The following BDP1 variants were observed in gnomAD, a reference collection of about 807,000 sequenced individuals.
BDP1 encodes transcription factor TFIIIB component B'' homolog.
In BDP1, 169 loss-of-function variants were observed where a neutral mutation model predicts 266.6. The observed-to-expected ratio is 0.63, with a 90% CI of 0.56 to 0.72. The LOEUF (loss-of-function observed/expected upper bound fraction) is 0.72, where lower values mean the gene tolerates loss of function less well. Among genes scored for constraint, BDP1 ranks in the 30% least tolerant of loss-of-function variants. The pLI is 0.00. For missense variants in BDP1, 3,015 were observed against 3,053.8 expected, an observed-to-expected ratio of 0.99 and a Z score of 0.30; for synonymous variants, 1,090 against 1,022.4, an observed-to-expected ratio of 1.07 and a Z score of -1.26.
rs772816942 is a variant in BDP1, at chr5:71,510,553, CCCCAGAGGAAAATGG to C, written c.3471_3485del (p.Asn1158_Glu1162del). The C allele has an allele frequency of 6.7e-5, 108 of 1,614,084 alleles. No homozygotes were observed. In the South Asian group the frequency reaches 1.1e-3, roughly 16 times the overall value. The stretch of plus-strand genomic sequence containing the variant: ...GAAGAAACTGGAAGAAGAGAAATAT[CCCCAGAGGAAAATGG>C]CCCAGAGGAGGTCAAGCCTGTAGAT... On this transcript the variant is annotated inframe_deletion, in exon 17 of 39. Transcript: ENST00000358731.
chr5:71,479,009 A>G (rs1762767191), intron 7 of BDP1, among the ~76,000 whole-genome samples: 1 of 151,794 alleles, frequency 6.6e-6, no homozygotes, highest in Non-Finnish European at 1.5e-5. Flanking sequence ...TGTATTTCTT[A>G]TTTCTGTAAT....
intron 11 of BDP1, 138 bp downstream of exon 11, chr5:71,491,269 G>A: frequency 1.3e-6 from 1 of 765,688 alleles, no homozygotes; most frequent in Non-Finnish European, 2.0e-6. Context: ...ATATTTTGAA[G>A]CTCTGTTGTT....
downstream of BDP1, among the ~76,000 whole-genome samples, chr5:71,572,623 C>T (rs141008612): frequency 1.1e-3 from 171 of 152,274 alleles, no homozygotes; most frequent in African/African-American, 3.6e-3. Flanking sequence ...TGTGCAGTTG[C>T]TTAAAGTTTC....
downstream of BDP1, among the ~76,000 whole-genome samples, chr5:71,570,581 A>G (rs1038811743): frequency 6.6e-6 from 1 of 152,252 alleles, no homozygotes; most frequent in African/African-American, 2.4e-5. Context: ...TCAATTAGCC[A>G]TCATCACAGA....
rs748002830 is a variant in BDP1, at chr5:71,524,288, C to T, written c.5737C>T (p.Pro1913Ser). The T allele has an allele frequency of 1.2e-6, 2 of 1,604,976 alleles. No homozygotes were observed. The highest frequency in any genetic ancestry group is 1.7e-6 in the Non-Finnish European group (2 of 1,172,338). Residue 1913 changes from proline (P) to serine (S), a missense_variant, in exon 25 of 39, where the codon CCT (proline) becomes TCT (serine). Physicochemically the swap from Pro to Ser is moderately conservative, Grantham distance 74. Transcript: ENST00000358731. Reference protein sequence around the residue: ...FVPVGLRSPEPVSAQIEETME... With the variant: ...FVPVGLRSPESVSAQIEETME... ...ACCTGTTGGTCTCAGATCTCCTGAA[C>T]CTGTTTCTGCTCAGATTGAGGAAAC...
rs1049885707 is a variant in BDP1 at position 71,512,247 on chromosome 5, A to G, written c.4066A>G (p.Ser1356Gly). 1 of 1,479,070 alleles carries G rather than the reference A, an allele frequency of 6.8e-7. No individual in the cohort carries two copies. The highest frequency in any genetic ancestry group is 1.5e-5 in the South Asian group (1 of 65,204). The allele number at this position is 1,479,070 out of a possible 1,614,324, so 91.6% of individuals were successfully genotyped here. ...ACTATGACTGTTCCTCTAGAACATTAGCAGTGAAGTACTGTCGATGATGCA... is the reference window on the plus strand; with the variant it reads ...ACTATGACTGTTCCTCTAGAACATTGGCAGTGAAGTACTGTCGATGATGCA... Reference protein sequence around the residue: ...AVPSLDIQNISSEVLSMMHTP... With the variant: ...AVPSLDIQNIGSEVLSMMHTP... The change falls in exon 18 of 39, where the codon AGC (serine) becomes GGC (glycine). Residue 1356 changes from serine (S) to glycine (G), a missense_variant. By Grantham distance (56) the Ser-to-Gly change is moderately conservative. Coordinates refer to ENST00000358731, the MANE Select transcript of BDP1 (RefSeq NM_018429.3).
At chr5:71,539,380 G>C (rs3827776) in intron 27 of BDP1, among the ~76,000 whole-genome samples, 177 bp from the exon 28 acceptor site, 1 of 152,224 alleles carries the variant, frequency 6.6e-6, no homozygotes, top group East Asian at 1.9e-4. Context: ...CAACAGTGAT[G>C]ATTTATTTAT....
At chr5:71,483,941 A>G in intron 8 of BDP1, 45 bp downstream of exon 8, 1 of 1,428,584 alleles carries the variant, frequency 7.0e-7, no homozygotes, top group South Asian at 1.2e-5. Flanking sequence ...TGAAGAGCCT[A>G]AAAAATGACC....
rs1375239236 is a variant in BDP1, at chr5:71,475,014, CTT to C, written c.1014+4529_1014+4530del. Among the ~76,000 whole-genome samples the C allele has an allele frequency of 3.3e-5, 5 of 152,216 alleles. No individual in the cohort carries two copies. The South Asian group carries it at 1.0e-3, about 32-fold the overall frequency. ...TAATTACTTGCCAGCTATTGGTAGTCTTTTTCTTCTCTAGTTCATCCAGGGAA... is the reference window on the plus strand; with the variant it reads ...TAATTACTTGCCAGCTATTGGTAGTCTTTCTTCTCTAGTTCATCCAGGGAA... On this transcript the variant is annotated intron_variant, in intron 7 of 38. Transcript: ENST00000358731.
rs1742190017 is a variant in BDP1 at position 71,545,148 on chromosome 5, GA to G, written c.6677del (p.Asn2226IlefsTer8). On this transcript the variant is annotated frameshift_variant, in exon 32 of 39. Coordinates refer to ENST00000358731, the MANE Select transcript of BDP1 (RefSeq NM_018429.3). LOFTEE classifies it high-confidence loss of function. ...ACTTGGTTTGGATAGGGGTCTTGGTGAAAATTCTGTTGAAGAGCCCCAGATA... is the reference window on the plus strand; with the variant it reads ...ACTTGGTTTGGATAGGGGTCTTGGTGAAATTCTGTTGAAGAGCCCCAGATA... Reference protein sequence around the residue: ...CTLGLDRGLGENSVEEPQIKD... With the variant: ...CTLGLDRGLGXNSVEEPQIKD... 1 of 1,613,690 alleles carries G rather than the reference GA, an allele frequency of 6.2e-7. No individual in the cohort carries two copies. The highest frequency in any genetic ancestry group is 1.7e-5 in the Admixed American group (1 of 59,944).
chr5:71,535,636 A>G (rs1766550109), intron 26 of BDP1, among the ~76,000 whole-genome samples: 1 of 152,202 alleles, frequency 6.6e-6, no homozygotes, highest in African/African-American at 2.4e-5. Flanking sequence ...TCACAGCTTT[A>G]GAGTCTAGAA....
At chr5:71,478,568 T>C (rs1459284241) in intron 7 of BDP1, among the ~76,000 whole-genome samples, 7 of 152,298 alleles carry the variant, frequency 4.6e-5, no homozygotes, top group African/African-American at 1.7e-4. Context: ...TATCGTCTCC[T>C]GGCTTTCAGT....
chr5:71,516,847 A>G (rs1026755568), intron 21 of BDP1, among the ~76,000 whole-genome samples: 8 of 152,164 alleles, frequency 5.3e-5, no homozygotes, highest in Non-Finnish European at 1.0e-4. Flanking sequence ...TAAACAATGC[A>G]AAGTCTAGAT....
In BDP1 at chr5:71,503,937, T is replaced by C. The variant is rs540180900; in HGVS notation, c.2242-684T>C. 6.0e-5 allele frequency among the ~76,000 whole-genome samples: 9 copies of C among 151,024 alleles called. No individual in the cohort carries two copies. The South Asian group carries it at 1.9e-3, about 32-fold the overall frequency. On this transcript the variant is annotated intron_variant, in intron 15 of 38. Coordinates refer to ENST00000358731, the MANE Select transcript of BDP1 (RefSeq NM_018429.3). Reference sequence around the variant, plus strand: ...AGTGAGCTATCTATAATTATGCCGTTGCACTCTAGCGTGGGTGACAGAGTG... The same window carrying C: ...AGTGAGCTATCTATAATTATGCCGTCGCACTCTAGCGTGGGTGACAGAGTG...
At chr5:71,550,613 T>G (rs192621397) in intron 34 of BDP1, among the ~76,000 whole-genome samples, 1 of 152,318 alleles carries the variant, frequency 6.6e-6, no homozygotes, top group East Asian at 1.9e-4. Context: ...TTCTTGATAC[T>G]CTTATTTTAA....
intron 7 of BDP1, among the ~76,000 whole-genome samples, chr5:71,478,766 A>T (rs1260551019): frequency 6.6e-6 from 1 of 151,908 alleles, no homozygotes; most frequent in African/African-American, 2.4e-5. Flanking sequence ...GGGAAATTTT[A>T]AATTACTTTT....
intron 11 of BDP1, among the ~76,000 whole-genome samples, chr5:71,491,659 A>T (rs993406139): frequency 8.5e-5 from 13 of 152,186 alleles, no homozygotes; most frequent in Admixed American, 7.2e-4. Context: ...ATTGAACAGC[A>T]ACTCCTATTT....
chr5:71,515,163 T>G (rs774470978), intron 20 of BDP1, 41 bp downstream of exon 20: 31 of 1,389,932 alleles, frequency 2.2e-5, no homozygotes, highest in Middle Eastern at 1.8e-4. Flanking sequence ...ATAAGAGAGA[T>G]ACTTCTTTTA....
intron 1 of BDP1, 134 bp from the exon 2 acceptor site, chr5:71,458,445 T>C: frequency 1.4e-6 from 1 of 691,048 alleles, no homozygotes; most frequent in South Asian, 2.2e-5. Context: ...ATAATTATCA[T>C]AAATCTCAAG....
Sources: allele counts gnomAD v4.1 joint callset (sites outside exome capture counted in the v4.1 genomes callset), GRCh38; gene constraint gnomAD v4.1.1; transcripts MANE v1.5; gene names NCBI Gene and HGNC (gene_info 2026-07-23, HGNC 2026-07-21).